PRUNE2: variants seen among roughly 807,000 people sequenced by gnomAD.
PRUNE2 encodes the protein prune homolog 2 with BCH domain, also known as protein prune homolog 2.
In PRUNE2, 164 loss-of-function variants were observed where a neutral mutation model predicts 252.0. The ratio of observed to expected loss-of-function variants is 0.65; its 90% CI spans 0.57 to 0.74. The LOEUF (loss-of-function observed/expected upper bound fraction) is 0.74. Ranked by LOEUF, PRUNE2 falls within the 30% of genes least tolerant of loss-of-function variation. The probability of loss-of-function intolerance (pLI) is 0.00; values close to 1 mark genes in which losing one functional copy is unlikely to be tolerated. For missense variants in PRUNE2, 3,495 were observed against 3,711.0 expected, an observed-to-expected ratio of 0.94 and a Z score of 1.51; for synonymous variants, 1,292 against 1,350.2, an observed-to-expected ratio of 0.96 and a Z score of 0.94.
intron 11 of PRUNE2, among the ~76,000 whole-genome samples, chr9:76,647,427 A>G (rs1183269440): frequency 1.3e-5 from 2 of 152,174 alleles, no homozygotes; most frequent in Non-Finnish European, 2.9e-5. Context: ...AAACTGTAAA[A>G]CTTTTAGAAG....
chr9:76,822,675 C>T (rs1038210064), intron 6 of PRUNE2, among the ~76,000 whole-genome samples: 5 of 152,092 alleles, frequency 3.3e-5, no homozygotes, highest in East Asian at 1.9e-4. Flanking sequence ...GGAGTGGTGG[C>T]GGGCGCCTTT....
At position 76,707,099 on chromosome 9, in the gene PRUNE2, C is replaced by T. The variant is rs754310806; in HGVS notation, c.5175G>A (p.Lys1725=). 1 of 1,613,958 alleles carries T rather than the reference C, an allele frequency of 6.2e-7. No individual in the cohort carries two copies. Among genetic ancestry groups the T allele is most frequent in the South Asian group, 1.1e-5 (1 of 91,076 alleles). The part of the protein sequence containing the change: ...RAWDSLNESN[K]FLVTADPKSE... ...ACTTAGGATCAGCTGTGACCAAGAA[C>T]TTATTAGATTCATTCAATGAATCCC... is the stretch of plus-strand genomic sequence containing the variant. Residue 1725 remains lysine (K), a synonymous_variant, in exon 8 of 19, where the codon AAG becomes AAA. Transcript: ENST00000376718.
Position 76,705,156 on chromosome 9 carries a change from AG to A in PRUNE2, c.7117del (p.Leu2373CysfsTer13). 6.2e-7 allele frequency: 1 copy of A among 1,614,014 alleles called. No homozygotes were observed. The highest frequency in any genetic ancestry group is 8.5e-7 in the Non-Finnish European group (1 of 1,179,886). ...CTCCAAAGGAGGGTCACCACCATACAGGAAGTGTTCAGGCTCTCTCAGTAAA... is the reference window on the plus strand; with the variant it reads ...CTCCAAAGGAGGGTCACCACCATACAGAAGTGTTCAGGCTCTCTCAGTAAA... ...EDLLREPEHF[L>X]YGGDPPLEED... On this transcript the variant is annotated frameshift_variant, in exon 8 of 19. Coordinates refer to ENST00000376718, the MANE Select transcript of PRUNE2 (RefSeq NM_015225.3). LOFTEE classifies it high-confidence loss of function.
chr9:76,766,587 T>A (rs2052418440), intron 6 of PRUNE2, among the ~76,000 whole-genome samples: 1 of 152,196 alleles, frequency 6.6e-6, no homozygotes, highest in Non-Finnish European at 1.5e-5. Flanking sequence ...TTTCTGGGAA[T>A]CTTGCTTTCC....
chr9:76,643,964 T>C (rs1006719189), intron 12 of PRUNE2, among the ~76,000 whole-genome samples: 7 of 152,100 alleles, frequency 4.6e-5, no homozygotes, highest in African/African-American at 1.7e-4. Context: ...AACAGCTGGG[T>C]GGTTACAGTG....
chr9:76,667,502 C>T lies in PRUNE2; in HGVS notation c.8277-12000G>A, dbSNP rs2040434502. Among the ~76,000 whole-genome samples the T allele has an allele frequency of 3.3e-5, 5 of 151,938 alleles. No homozygotes were observed. In the South Asian group the frequency reaches 1.0e-3, roughly 32 times the overall value. On this transcript the variant is annotated intron_variant, in intron 9 of 18. Transcript: ENST00000376718. ...GGGAAGACTGCCTGCCTGCCCCACC[C>T]TCCTGCCCATAAGATAAGCTCACAA...
At chr9:76,661,437 T>G (rs1851390816) in intron 9 of PRUNE2, among the ~76,000 whole-genome samples, 1 of 152,008 alleles carries the variant, frequency 6.6e-6, no homozygotes, top group Non-Finnish European at 1.5e-5. Flanking sequence ...GAGATGGGGT[T>G]TCACCATGTT....
At chr9:76,657,913 C>CT (rs1478993529) in intron 9 of PRUNE2, among the ~76,000 whole-genome samples, 1 of 152,194 alleles carries the variant, frequency 6.6e-6, no homozygotes, top group African/African-American at 2.4e-5. Flanking sequence ...GCCTTTGCCT[C>CT]TAAGTGCTCC....
chr9:76,679,925 A>G (rs1434209484), intron 9 of PRUNE2, among the ~76,000 whole-genome samples: 1 of 152,218 alleles, frequency 6.6e-6, no homozygotes. Flanking sequence ...AAAACATAGA[A>G]GAAAAACTTC....
intron 1 of PRUNE2, among the ~76,000 whole-genome samples, chr9:76,857,396 A>T (rs1048909389): frequency 6.6e-6 from 1 of 152,060 alleles, no homozygotes; most frequent in African/African-American, 2.4e-5. Context: ...ATCCAAAAAG[A>T]TGACTGGAAA....
Position 76,804,234 on chromosome 9 carries a change from C to T in PRUNE2, c.756+19398G>A, listed in dbSNP as rs964568001. Among the ~76,000 whole-genome samples, 105 of 152,294 alleles carry T rather than the reference C, an allele frequency of 6.9e-4. 1 individual carries two copies. The highest frequency in any genetic ancestry group is 2.1e-3 in the Admixed American group (32 of 15,302). On this transcript the variant is annotated intron_variant, in intron 6 of 18. Transcript: ENST00000376718. ...CAAGTGAGGTACATGCCCACTGTGT[C>T]CCCCAAACTGCACGGGGCACACGGG...
At chr9:76,735,886 C>G (rs2049030991) in intron 6 of PRUNE2, among the ~76,000 whole-genome samples, 1 of 152,086 alleles carries the variant, frequency 6.6e-6, no homozygotes. Context: ...TTATTTGATG[C>G]TGGAGCAGGA....
At chr9:76,836,787 G>A (rs565188062) in intron 4 of PRUNE2, among the ~76,000 whole-genome samples, 1 of 152,318 alleles carries the variant, frequency 6.6e-6, no homozygotes, top group East Asian at 1.9e-4. Flanking sequence ...TGAGTCACCT[G>A]TTGACATTTA....
chr9:76,717,955 T>A (rs2047306569), intron 6 of PRUNE2, among the ~76,000 whole-genome samples: 1 of 152,130 alleles, frequency 6.6e-6, no homozygotes, highest in Non-Finnish European at 1.5e-5. Context: ...CCTGGAAACG[T>A]GGGGAGAAAA....
chr9:76,704,171 T>C, intron 8 of PRUNE2, 72 bp from the exon 9 acceptor site: 1 of 954,912 alleles, frequency 1.0e-6, no homozygotes, highest in Non-Finnish European at 1.5e-6. Flanking sequence ...TTGTGATCCT[T>C]GCAAATGATC....
At chr9:76,896,022 A>G (rs1487628882) in intron 1 of PRUNE2, among the ~76,000 whole-genome samples, 1 of 152,074 alleles carries the variant, frequency 6.6e-6, no homozygotes, top group Non-Finnish European at 1.5e-5. Flanking sequence ...AGATCTGCCC[A>G]CCTCTGCCTC....
chr9:76,861,078 C>T (rs1376780334), intron 1 of PRUNE2, among the ~76,000 whole-genome samples: 1 of 152,172 alleles, frequency 6.6e-6, no homozygotes, highest in Non-Finnish European at 1.5e-5. Context: ...CCAGTCACAG[C>T]CTCCAAGGAA....
chr9:76,666,616 T>C (rs182928403), intron 9 of PRUNE2, among the ~76,000 whole-genome samples: 13 of 152,296 alleles, frequency 8.5e-5, no homozygotes, highest in South Asian at 2.1e-4. Context: ...TTGTCAATCA[T>C]TGGAGATGAC....
At chr9:76,624,601 T>A in intron 16 of PRUNE2, 111 bp from the exon 17 acceptor site, 1 of 651,386 alleles carries the variant, frequency 1.5e-6, no homozygotes, top group Non-Finnish European at 2.3e-6. Context: ...ATATGTGCTT[T>A]TCGAAACTGT....
Sources: gnomAD v4.1 joint callset for allele counts (sites outside exome capture counted in the v4.1 genomes callset) on GRCh38, gnomAD v4.1.1 for gene constraint, MANE v1.5 for transcripts, NCBI Gene and HGNC (gene_info 2026-07-23, HGNC 2026-07-21) for gene names.